The following SORBS2 variants were observed in gnomAD, a reference collection of about 807,000 sequenced individuals.
SORBS2 encodes sorbin and SH3 domain containing 2, also known as sorbin and SH3 domain-containing protein 2.
SORBS2 carries 46 observed loss-of-function variants against 97.7 expected under a neutral mutation model. The observed-to-expected ratio is 0.47, with a 90% CI of 0.37 to 0.60. SORBS2 has a LOEUF of 0.60. SORBS2 is among the 20% of genes least tolerant of loss of function. The pLI is 0.00. For synonymous variants in SORBS2, 476 were observed against 473.4 expected, an observed-to-expected ratio of 1.01 and a Z score of -0.07; for missense variants, 1,316 against 1,282.3, an observed-to-expected ratio of 1.03 and a Z score of -0.40.
intron 1 of SORBS2, chr4:185,918,070 T>C (rs539130672): frequency 6.6e-6 from 1 of 152,180 alleles, no homozygotes; most frequent in Non-Finnish European, 1.5e-5. Flanking sequence ...ATAGCTTATT[T>C]GCAATACATT....
chr4:185,820,511 G>T (rs1285473688), intron 1 of SORBS2, among the ~76,000 whole-genome samples: 1 of 152,230 alleles, frequency 6.6e-6, no homozygotes, highest in African/African-American at 2.4e-5. Flanking sequence ...GGCCTTCAGA[G>T]GAGGGGCATG....
intron 1 of SORBS2, among the ~76,000 whole-genome samples, chr4:185,879,731 A>G (rs1311100337): frequency 3.3e-5 from 5 of 152,068 alleles, no homozygotes; most frequent in African/African-American, 7.2e-5. Flanking sequence ...GTGAGATGGT[A>G]TCTCATTGCG....
At chr4:185,652,809 A>T in intron 1 of SORBS2, 81 bp from the exon 10 acceptor site, 1 of 1,034,360 alleles carries the variant, frequency 9.7e-7, no homozygotes, top group South Asian at 1.3e-5. Context: ...TCTCTATTTT[A>T]TGTTCTTAAT....
intron 12 of SORBS2, among the ~76,000 whole-genome samples, chr4:185,610,509 T>C (rs1224077037): frequency 2.0e-5 from 3 of 152,108 alleles, no homozygotes; most frequent in Admixed American, 6.5e-5. Flanking sequence ...AGGGTAATTA[T>C]TTGCAACTGA....
chr4:185,638,064 T>G lies in SORBS2; in HGVS notation c.397-7466A>C, dbSNP rs2097053989. ...ACTCCTAGTTTTCTTATATTAATAG[T>G]CTAGCCTCACTTACCGGGCGTCCAA... On this transcript the variant is annotated intron_variant, in intron 4 of 14. Coordinates refer to ENST00000418609, the Ensembl canonical transcript of SORBS2. 4 of 1,471,200 alleles carry G rather than the reference T, an allele frequency of 2.7e-6. No individual in the cohort carries two copies. The highest frequency in any genetic ancestry group is 2.9e-6 in the Non-Finnish European group (3 of 1,049,974). 91.1% of individuals were successfully genotyped at this position (1,471,200 alleles called of 1,614,324 possible).
intron 4 of SORBS2, among the ~76,000 whole-genome samples, chr4:185,640,186 A>G (rs1014638882): frequency 2.0e-5 from 3 of 152,218 alleles, no homozygotes; most frequent in Non-Finnish European, 2.9e-5. Flanking sequence ...CAAAAGATGT[A>G]GTGATCATAA....
chr4:185,664,932 A>C (rs1484509834), intron 4 of SORBS2, among the ~76,000 whole-genome samples: 3 of 152,186 alleles, frequency 2.0e-5, no homozygotes, highest in Non-Finnish European at 4.4e-5. Context: ...GCCATTACTT[A>C]GACATTATAT....
intron 1 of SORBS2, among the ~76,000 whole-genome samples, chr4:185,884,603 T>C (rs2099238451): frequency 6.6e-6 from 1 of 152,220 alleles, no homozygotes; most frequent in South Asian, 2.1e-4. Context: ...TTCCATCAAC[T>C]TGGCCTTTCT....
Position 185,725,849 on chromosome 4 carries a change from T to C in SORBS2, c.-197-47027A>G, listed in dbSNP as rs1297971087. 3.9e-5 allele frequency among the ~76,000 whole-genome samples: 6 copies of C among 152,324 alleles called. No homozygotes were observed. The East Asian group carries it at 7.7e-4, about 20-fold the overall frequency. ...TTTGAAAGGAACACTGACTTCACAT[T>C]ATCTATTAATAAATTCTAAACCAAG... On this transcript the variant is annotated intron_variant, in intron 2 of 20. Transcript: ENST00000284776.
At chr4:185,608,435 G>T (rs543311961) in intron 12 of SORBS2, among the ~76,000 whole-genome samples, 1 of 152,126 alleles carries the variant, frequency 6.6e-6, no homozygotes, top group East Asian at 1.9e-4. Context: ...TTCAGCTCCC[G>T]TTCTCTTTCA....
At chr4:185,934,156 C>T (rs544852151) in intron 1 of SORBS2, among the ~76,000 whole-genome samples, 102 of 152,286 alleles carry the variant, frequency 6.7e-4, no homozygotes, top group South Asian at 4.6e-3. Flanking sequence ...TGTCTTTTCC[C>T]GCATGCCATT....
intron 1 of SORBS2, among the ~76,000 whole-genome samples, chr4:185,932,374 G>A (rs77016018): frequency 0.016 from 2,426 of 151,694 alleles, 55 homozygotes; most frequent in African/African-American, 0.055. Context: ...GTCCACTGCT[G>A]CTTGTCTGCA....
In SORBS2 at chr4:185,807,850, G is replaced by A. The variant is rs550340153; in HGVS notation, c.-337-32484C>T. On this transcript the variant is annotated intron_variant, in intron 1 of 20. Transcript: ENST00000284776. The stretch of plus-strand genomic sequence containing the variant: ...AGGAACTTCCAGAAAATTATCTAAT[G>A]CAATCATATATCACAAGTCTTCTTT... Among the ~76,000 whole-genome samples, 35 of 152,288 alleles carry A rather than the reference G, an allele frequency of 2.3e-4. No individual in the cohort carries two copies. The South Asian group carries it at 7.3e-3, about 32-fold the overall frequency.
At chr4:185,793,836 CCTT>C (rs770002487) in intron 1 of SORBS2, among the ~76,000 whole-genome samples, 11 of 152,198 alleles carry the variant, frequency 7.2e-5, no homozygotes, top group Non-Finnish European at 1.2e-4. Flanking sequence ...TGCACAGCAT[CCTT>C]CTTTTACAGA....
intron 2 of SORBS2, among the ~76,000 whole-genome samples, chr4:185,747,285 T>A (rs2098767963): frequency 6.6e-6 from 1 of 152,166 alleles, no homozygotes; most frequent in Non-Finnish European, 1.5e-5. Context: ...ATTTCTGCCA[T>A]CAAAGCCACC....
intron 1 of SORBS2, among the ~76,000 whole-genome samples, chr4:185,850,228 G>A (rs2099217040): frequency 6.6e-6 from 1 of 152,204 alleles, no homozygotes; most frequent in South Asian, 2.1e-4. Flanking sequence ...TGACTTTCAT[G>A]TGGGATGTAC....
At chr4:185,861,759 C>T (rs973742152) in intron 1 of SORBS2, among the ~76,000 whole-genome samples, 5 of 152,140 alleles carry the variant, frequency 3.3e-5, no homozygotes, top group African/African-American at 4.8e-5. Flanking sequence ...GCACCTGCCA[C>T]TGTGCCTGGC....
At chr4:185,714,799 C>T (rs113472070) in intron 2 of SORBS2, among the ~76,000 whole-genome samples, 1 of 152,288 alleles carries the variant, frequency 6.6e-6, no homozygotes, top group African/African-American at 2.4e-5. Context: ...AAACCACCCC[C>T]ATGATCCAAT....
intron 7 of SORBS2, among the ~76,000 whole-genome samples, 157 bp from the exon 20 acceptor site, chr4:185,620,308 T>G (rs1270783179): frequency 6.6e-6 from 1 of 152,182 alleles, no homozygotes; most frequent in Non-Finnish European, 1.5e-5. Context: ...CATTACAAAG[T>G]TGTGAAATAA....
Sources: allele counts gnomAD v4.1 joint callset (sites outside exome capture counted in the v4.1 genomes callset), GRCh38; gene constraint gnomAD v4.1.1; transcripts MANE v1.5; gene names NCBI Gene and HGNC (gene_info 2026-07-23, HGNC 2026-07-21).